RAB38: variants seen among roughly 807,000 people sequenced by gnomAD.
RAB38 encodes the protein RAB38, member RAS oncogene family.
Under a neutral mutation model 18.4 loss-of-function variants are expected in RAB38, and 15 were observed. The ratio of observed to expected loss-of-function variants is 0.82; its 90% CI spans 0.55 to 1.26. RAB38 has a LOEUF of 1.26. RAB38 is among the 50% of genes most tolerant of loss of function. The probability of loss-of-function intolerance (pLI) is 0.00; values close to 1 mark genes in which losing one functional copy is unlikely to be tolerated. For missense variants in RAB38, 294 were observed against 267.4 expected, an observed-to-expected ratio of 1.10 and a Z score of -0.69; for synonymous variants, 101 against 104.4, an observed-to-expected ratio of 0.97 and a Z score of 0.20.
chr11:88,034,303 G>A, the RAB38 span, among the ~76,000 whole-genome samples: 1 of 152,208 alleles, frequency 6.6e-6, no homozygotes, highest in Non-Finnish European at 1.5e-5. Context: ...TTACACGTAA[G>A]TGTTATGAAT....
At chr11:87,842,797 C>T in the RAB38 span, among the ~76,000 whole-genome samples, 4 of 100,394 alleles carry the variant, frequency 4.0e-5, no homozygotes, top group Non-Finnish European at 5.7e-5. Context: ...TGCGCATGCA[C>T]ACACACACAC....
At chr11:88,053,525 T>A in the RAB38 span, among the ~76,000 whole-genome samples, 2 of 148,696 alleles carry the variant, frequency 1.3e-5, no homozygotes, top group Admixed American at 6.7e-5. Flanking sequence ...TCTGTTCATG[T>A]CCTGGAAAAT....
At chr11:87,904,904 G>A in the RAB38 span, among the ~76,000 whole-genome samples, 3 of 151,614 alleles carry the variant, frequency 2.0e-5, no homozygotes, top group African/African-American at 2.4e-5. Flanking sequence ...GGGTTTATAC[G>A]ATTATATTTT....
At chr11:87,928,102 A>G in the RAB38 span, among the ~76,000 whole-genome samples, 1 of 151,880 alleles carries the variant, frequency 6.6e-6, no homozygotes, top group Non-Finnish European at 1.5e-5. Flanking sequence ...AAAAGACAAG[A>G]AAAGAAAGAA....
At chr11:87,933,326 G>A in the RAB38 span, among the ~76,000 whole-genome samples, 14 of 152,088 alleles carry the variant, frequency 9.2e-5, no homozygotes, top group Admixed American at 3.3e-4. Flanking sequence ...CCTCTGAGCC[G>A]TTCCTTGCCC....
the RAB38 span, among the ~76,000 whole-genome samples, chr11:88,042,943 A>C: frequency 6.6e-6 from 1 of 152,218 alleles, no homozygotes; most frequent in African/African-American, 2.4e-5. Flanking sequence ...GCAATAGCTA[A>C]GTTAAGGGTA....
chr11:88,081,900 T>C, the RAB38 span, among the ~76,000 whole-genome samples: 1 of 151,848 alleles, frequency 6.6e-6, no homozygotes, highest in African/African-American at 2.4e-5. Context: ...AAAGTTGCAG[T>C]ATACCTTACT....
intron 2 of RAB38, among the ~76,000 whole-genome samples, chr11:88,127,894 A>G (rs1275619198): frequency 6.6e-6 from 1 of 152,186 alleles, no homozygotes; most frequent in Non-Finnish European, 1.5e-5. Context: ...TTCTCTCTAG[A>G]TAACAAACTT....
chr11:88,104,308 T>C, the RAB38 span, among the ~76,000 whole-genome samples: 1 of 78,468 alleles, frequency 1.3e-5, no homozygotes, highest in Non-Finnish European at 2.3e-5. Flanking sequence ...CCTTATTCAA[T>C]TTACTGCATG....
At chr11:88,132,834 A>G (rs1163830087) in intron 2 of RAB38, among the ~76,000 whole-genome samples, 1 of 152,194 alleles carries the variant, frequency 6.6e-6, no homozygotes, top group Non-Finnish European at 1.5e-5. Context: ...CCACAGAATA[A>G]TATTTAATAG....
At chr11:87,943,677 T>G in the RAB38 span, among the ~76,000 whole-genome samples, 1 of 152,112 alleles carries the variant, frequency 6.6e-6, no homozygotes, top group East Asian at 1.9e-4. Flanking sequence ...TGTGAAAGGG[T>G]AAATGATTTT....
At chr11:87,926,329 A>G in the RAB38 span, among the ~76,000 whole-genome samples, 2 of 152,010 alleles carry the variant, frequency 1.3e-5, no homozygotes, top group Non-Finnish European at 2.9e-5. Context: ...AATAATAAAA[A>G]TTACCAAACT....
the RAB38 span, among the ~76,000 whole-genome samples, chr11:87,964,502 G>A: frequency 8.3e-4 from 126 of 151,930 alleles, no homozygotes; most frequent in Non-Finnish European, 1.3e-3. Flanking sequence ...ATATTCAAGG[G>A]GTGTGGAAAT....
the RAB38 span, among the ~76,000 whole-genome samples, chr11:88,048,972 C>T: frequency 9.9e-4 from 151 of 152,194 alleles, 2 homozygotes; most frequent in Admixed American, 6.5e-4. Context: ...CATACAAAAC[C>T]GCATCCAGGC....
intron 2 of RAB38, among the ~76,000 whole-genome samples, chr11:88,124,674 A>G (rs1039962798): frequency 6.6e-6 from 1 of 152,036 alleles, no homozygotes; most frequent in Non-Finnish European, 1.5e-5. Flanking sequence ...AGCCTGCGCA[A>G]CCTCCCGGAG....
chr11:88,023,941 T>C, the RAB38 span, among the ~76,000 whole-genome samples: 1 of 152,084 alleles, frequency 6.6e-6, no homozygotes, highest in Non-Finnish European at 1.5e-5. Flanking sequence ...CTATGAAACT[T>C]CTGTGAGAAA....
chr11:88,046,144 C>T, the RAB38 span, among the ~76,000 whole-genome samples: 1 of 152,084 alleles, frequency 6.6e-6, no homozygotes, highest in Non-Finnish European at 1.5e-5. Flanking sequence ...TCATTAAAAC[C>T]TAATCACCTT....
At chr11:87,850,389 A>G in the RAB38 span, among the ~76,000 whole-genome samples, 2 of 152,050 alleles carry the variant, frequency 1.3e-5, no homozygotes, top group South Asian at 2.1e-4. Flanking sequence ...TCATTCCCCT[A>G]TAACTGACAG....
chr11:87,945,349 CTAAT>C, the RAB38 span, among the ~76,000 whole-genome samples: 3 of 152,084 alleles, frequency 2.0e-5, no homozygotes, highest in Non-Finnish European at 4.4e-5. Context: ...AAATCTCACT[CTAAT>C]AAATAAAGGG....
Sources: gnomAD v4.1 joint callset for allele counts (sites outside exome capture counted in the v4.1 genomes callset) on GRCh38, gnomAD v4.1.1 for gene constraint, MANE v1.5 for transcripts, NCBI Gene and HGNC (gene_info 2026-07-23, HGNC 2026-07-21) for gene names.